Variants in COL23A1 observed in about 807,000 individuals in gnomAD.
COL23A1 encodes collagen type XXIII alpha 1 chain.
COL23A1 carries 97 observed loss-of-function variants against 99.3 expected under a neutral mutation model. The observed-to-expected ratio is 0.98, with a 90% CI of 0.83 to 1.16. The LOEUF is 1.16. COL23A1 is among the 50% of genes most tolerant of loss of function. The pLI is 0.00. For synonymous variants in COL23A1, 320 were observed against 308.2 expected (o/e 1.04, Z -0.40); for missense variants, 762 against 757.4 (o/e 1.01, Z -0.07).
intron 3 of COL23A1, among the ~76,000 whole-genome samples, chr5:178,301,266 T>G (rs989743430): frequency 2.0e-5 from 3 of 152,244 alleles, no homozygotes; most frequent in African/African-American, 7.2e-5. Context: ...TCCAGAATTT[T>G]TATTTGGTTC....
chr5:178,284,421 G>A lies in COL23A1; in HGVS notation c.441+3903C>T, dbSNP rs1251398032. Among the ~76,000 whole-genome samples, 4 of 152,256 alleles carry A rather than the reference G, an allele frequency of 2.6e-5. No homozygotes were observed. In the East Asian group the frequency reaches 7.7e-4, roughly 29 times the overall value. On this transcript the variant is annotated intron_variant, in intron 5 of 28. Transcript: ENST00000390654. ...CTTTAAAAGTGTAATACCCACAGTT[G>A]GCCAGCATTTGGGGAAATAGACAGC...
Position 178,313,456 on chromosome 5 carries a change from G to A in COL23A1, c.362-6537C>T, listed in dbSNP as rs571968737. 3.3e-5 allele frequency among the ~76,000 whole-genome samples: 5 copies of A among 152,364 alleles called. No homozygotes were observed. The highest frequency in any genetic ancestry group is 9.6e-5 in the African/African-American group (4 of 41,580). On this transcript the variant is annotated intron_variant, in intron 2 of 28. Coordinates refer to ENST00000390654, the MANE Select transcript of COL23A1 (RefSeq NM_173465.4). The surrounding 1 kb of genome is among the most constrained non-coding windows in gnomAD (Gnocchi z 4.2). Reference sequence around the variant, plus strand: ...GAGCCGGGCCGTCCTGATGGAGACTGTGGGGATGCTGCTGGCAGCCACAGC... The same window carrying A: ...GAGCCGGGCCGTCCTGATGGAGACTATGGGGATGCTGCTGGCAGCCACAGC...
At chr5:178,410,590 T>C (rs939081704) in intron 2 of COL23A1, among the ~76,000 whole-genome samples, 4 of 152,214 alleles carry the variant, frequency 2.6e-5, no homozygotes, top group African/African-American at 9.6e-5. Flanking sequence ...AGAATCAAAC[T>C]GAACCTCTAC....
intron 2 of COL23A1, among the ~76,000 whole-genome samples, chr5:178,457,990 T>C (rs545763969): frequency 1.3e-5 from 2 of 152,342 alleles, no homozygotes; most frequent in South Asian, 4.1e-4. Flanking sequence ...GTGGTCTCTA[T>C]ATATTTCCTC....
intron 2 of COL23A1, among the ~76,000 whole-genome samples, chr5:178,543,583 C>T (rs1449626425): frequency 6.6e-6 from 1 of 152,166 alleles, no homozygotes. Context: ...GATTGTGACC[C>T]TTCCACAGGC....
intron 2 of COL23A1, among the ~76,000 whole-genome samples, chr5:178,433,276 T>A (rs916836702): frequency 6.6e-6 from 1 of 151,840 alleles, no homozygotes; most frequent in Admixed American, 6.6e-5. Flanking sequence ...TGCTAGAGTG[T>A]TTCACAGAAC....
intron 2 of COL23A1, among the ~76,000 whole-genome samples, chr5:178,348,221 C>T (rs1761101126): frequency 6.6e-6 from 1 of 152,184 alleles, no homozygotes; most frequent in Admixed American, 6.5e-5. Flanking sequence ...CTCTTCCCAG[C>T]AGCTCTGCCT....
At chr5:178,321,156 T>C (rs1759280726) in intron 2 of COL23A1, among the ~76,000 whole-genome samples, 1 of 152,198 alleles carries the variant, frequency 6.6e-6, no homozygotes, top group South Asian at 2.1e-4. Context: ...GCATGAAAGG[T>C]CCCATCTTAA....
intron 2 of COL23A1, among the ~76,000 whole-genome samples, chr5:178,503,801 A>C (rs1355632221): frequency 3.3e-5 from 5 of 152,112 alleles, no homozygotes; most frequent in Non-Finnish European, 7.3e-5. Context: ...AAATTATTTT[A>C]AATAAAACAT....
At position 178,280,714 on chromosome 5, in the gene COL23A1, T is replaced by A. The variant is rs1228481867; in HGVS notation, c.441+7610A>T. On this transcript the variant is annotated intron_variant, in intron 5 of 28. Coordinates refer to ENST00000390654, the MANE Select transcript of COL23A1 (RefSeq NM_173465.4). The surrounding 1 kb of genome is among the most constrained non-coding windows in gnomAD (Gnocchi z 4.9). The stretch of plus-strand genomic sequence containing the variant: ...AGCCAGTGACCACGCTGCAAACATA[T>A]CACAGGCAAAACAGCAAAGCGCAGG... Among the ~76,000 whole-genome samples, 4 of 152,008 alleles carry A rather than the reference T, an allele frequency of 2.6e-5. No individual in the cohort carries two copies. Among genetic ancestry groups the A allele is most frequent in the Non-Finnish European group, 5.9e-5 (4 of 67,992 alleles).
At chr5:178,354,831 T>G (rs761074487) in intron 2 of COL23A1, among the ~76,000 whole-genome samples, 1 of 152,094 alleles carries the variant, frequency 6.6e-6, no homozygotes, top group African/African-American at 2.4e-5. Context: ...CCGAGGCAGA[T>G]GGATTGCCTG....
intron 2 of COL23A1, among the ~76,000 whole-genome samples, chr5:178,470,900 G>A (rs749928834): frequency 3.2e-4 from 49 of 152,226 alleles, no homozygotes; most frequent in Non-Finnish European, 4.1e-4. Context: ...ACCCTCAGGA[G>A]CCCCAGAGTG....
chr5:178,529,566 T>G (rs995922699), intron 2 of COL23A1, among the ~76,000 whole-genome samples: 1 of 152,168 alleles, frequency 6.6e-6, no homozygotes, highest in Non-Finnish European at 1.5e-5. Context: ...CAAAATTCAT[T>G]TTTTTGCTTT....
intron 2 of COL23A1, among the ~76,000 whole-genome samples, chr5:178,405,652 A>G (rs1764725915): frequency 1.3e-5 from 2 of 152,230 alleles, no homozygotes; most frequent in Admixed American, 6.5e-5. Context: ...CCACTACTGA[A>G]CAGTTCTCCA....
chr5:178,314,035 G>A (rs553454225), intron 2 of COL23A1, among the ~76,000 whole-genome samples: 14 of 152,240 alleles, frequency 9.2e-5, no homozygotes, highest in Admixed American at 7.2e-4. Context: ...GAGGAGTGAA[G>A]GAGTAGGTGT....
intron 27 of COL23A1, among the ~76,000 whole-genome samples, chr5:178,241,257 G>C (rs1332884881): frequency 6.6e-6 from 1 of 152,026 alleles, no homozygotes; most frequent in Non-Finnish European, 1.5e-5. Context: ...TTGAACTGTG[G>C]TTGTTTCAGG....
chr5:178,586,888 C>A (rs1372111404), intron 1 of COL23A1, among the ~76,000 whole-genome samples: 1 of 152,156 alleles, frequency 6.6e-6, no homozygotes, highest in Non-Finnish European at 1.5e-5. Context: ...AACCAATATA[C>A]AGAGTTGATA....
chr5:178,311,563 CGT>C (rs933174089), intron 2 of COL23A1, among the ~76,000 whole-genome samples: 1 of 149,430 alleles, frequency 6.7e-6, no homozygotes, highest in African/African-American at 2.5e-5. Context: ...TGGGTTCTTT[CGT>C]GTGTGTGTGT....
At chr5:178,321,213 T>G (rs892501822) in intron 2 of COL23A1, among the ~76,000 whole-genome samples, 1 of 152,212 alleles carries the variant, frequency 6.6e-6, no homozygotes, top group Non-Finnish European at 1.5e-5. Context: ...AGTCACGCTG[T>G]TGTGCGGCCA....
Sources: allele counts gnomAD v4.1 joint callset (sites outside exome capture counted in the v4.1 genomes callset), GRCh38; gene constraint gnomAD v4.1.1; non-coding constraint Gnocchi (gnomAD v3.1); transcripts MANE v1.5; gene names NCBI Gene and HGNC (gene_info 2026-07-23, HGNC 2026-07-21).